WWP2: variants seen among roughly 807,000 people sequenced by gnomAD.
The protein encoded by WWP2 is NEDD4-like E3 ubiquitin-protein ligase WWP2.
WWP2 carries 57 observed loss-of-function variants against 121.0 expected under a neutral mutation model. The ratio of observed to expected loss-of-function variants is 0.47; its 90% CI spans 0.38 to 0.59. The LOEUF (loss-of-function observed/expected upper bound fraction) is 0.59, where lower values mean the gene tolerates loss of function less well. WWP2 is among the 20% of genes least tolerant of loss of function. The probability of loss-of-function intolerance (pLI) is 0.00; values close to 1 mark genes in which losing one functional copy is unlikely to be tolerated. For missense variants in WWP2, 962 were observed against 1,158.9 expected (o/e 0.83, Z 2.47); for synonymous variants, 449 against 441.3 (o/e 1.02, Z -0.22).
intron 6 of WWP2, 64 bp from the exon 7 acceptor site, chr16:69,871,740 A>G: frequency 1.3e-6 from 2 of 1,593,956 alleles, no homozygotes; most frequent in Non-Finnish European, 1.7e-6. Context: ...TGACTTAGGT[A>G]GGAAACACTT....
intron 4 of WWP2, among the ~76,000 whole-genome samples, chr16:69,829,086 G>A (rs904844970): frequency 3.9e-5 from 6 of 152,060 alleles, no homozygotes; most frequent in African/African-American, 1.2e-4. Context: ...CCCAGGAGCC[G>A]TCTTCGATAC....
intron 7 of WWP2, among the ~76,000 whole-genome samples, chr16:69,883,398 GCGCACA>G (rs902246617): frequency 1.2e-4 from 12 of 96,192 alleles, no homozygotes; most frequent in African/African-American, 4.9e-4. Context: ...CTAAGAATGT[GCGCACA>G]CACACACACA....
intron 4 of WWP2, among the ~76,000 whole-genome samples, chr16:69,808,179 GAGA>G (rs570338796): frequency 2.2e-4 from 34 of 152,152 alleles, no homozygotes; most frequent in Non-Finnish European, 4.4e-4. Context: ...TCATATTAGT[GAGA>G]ACATGCAGTA....
chr16:69,841,856 C>G (rs985910304), intron 5 of WWP2, among the ~76,000 whole-genome samples, 168 bp from the exon 6 acceptor site: 1 of 152,132 alleles, frequency 6.6e-6, no homozygotes, highest in Admixed American at 6.6e-5. Context: ...TCCATATGAT[C>G]GTCCCTGTTC....
At chr16:69,767,653 A>G (rs1222248172) in intron 1 of WWP2, among the ~76,000 whole-genome samples, 1 of 152,112 alleles carries the variant, frequency 6.6e-6, no homozygotes, top group Non-Finnish European at 1.5e-5. Flanking sequence ...GATGGAGGGA[A>G]GTTTTACAGG....
rs866747381 is a variant in WWP2, at chr16:69,838,107, A to T, written c.341-2019A>T. 5.3e-5 allele frequency among the ~76,000 whole-genome samples: 8 copies of T among 152,278 alleles called. No individual in the cohort carries two copies. In the South Asian group the frequency reaches 1.5e-3, roughly 28 times the overall value. ...CAAAAAACAAATACAGTGAATGAGA[A>T]GTTAGACCAAGAGGAATTAGGACTC... On this transcript the variant is annotated intron_variant, in intron 4 of 23. Transcript: ENST00000359154.
At chr16:69,896,126 C>T (rs2058100653) in intron 8 of WWP2, among the ~76,000 whole-genome samples, 1 of 152,064 alleles carries the variant, frequency 6.6e-6, no homozygotes, top group Non-Finnish European at 1.5e-5. Context: ...ACTGCACTTT[C>T]TTTCCTTTTT....
intron 1 of WWP2, among the ~76,000 whole-genome samples, chr16:69,780,526 C>T (rs1031610736): frequency 1.3e-5 from 2 of 152,166 alleles, no homozygotes; most frequent in African/African-American, 4.8e-5. Context: ...TCCAAAATTA[C>T]GCGTCTTTAA....
chr16:69,816,768 TAC>T (rs776898394), intron 4 of WWP2, among the ~76,000 whole-genome samples: 2 of 151,876 alleles, frequency 1.3e-5, no homozygotes, highest in Non-Finnish European at 2.9e-5. Context: ...CATATACACA[TAC>T]ACACATACAC....
chr16:69,857,489 T>C (rs1448538441), intron 6 of WWP2, among the ~76,000 whole-genome samples: 1 of 152,010 alleles, frequency 6.6e-6, no homozygotes, highest in Non-Finnish European at 1.5e-5. Context: ...GATAATGGAG[T>C]GTGAAATTCT....
chr16:69,932,921 C>A (rs2058738842), intron 16 of WWP2, among the ~76,000 whole-genome samples: 1 of 152,218 alleles, frequency 6.6e-6, no homozygotes, highest in African/African-American at 2.4e-5. Context: ...CCGGTGTGGG[C>A]ATGTCTTCCC....
chr16:69,838,633 C>A, intron 4 of WWP2: 1 of 732,988 alleles, frequency 1.4e-6, no homozygotes, highest in Non-Finnish European at 1.7e-6. Context: ...CAAGTGGCCA[C>A]TCCCAGGGAT....
chr16:69,820,908 T>C (rs1446857009), intron 4 of WWP2, among the ~76,000 whole-genome samples: 1 of 152,166 alleles, frequency 6.6e-6, no homozygotes, highest in Non-Finnish European at 1.5e-5. Context: ...GAACGTCTTT[T>C]CCTGTGACTT....
intron 4 of WWP2, among the ~76,000 whole-genome samples, chr16:69,805,153 C>T (rs970121299): frequency 6.6e-6 from 1 of 151,842 alleles, no homozygotes; most frequent in African/African-American, 2.4e-5. Context: ...GATTCTCGTG[C>T]CTCAGACTAC....
intron 8 of WWP2, among the ~76,000 whole-genome samples, chr16:69,893,040 T>C (rs1218630569): frequency 6.6e-6 from 1 of 152,202 alleles, no homozygotes; most frequent in Non-Finnish European, 1.5e-5. Flanking sequence ...TAACTTTAAT[T>C]TGACAAATGC....
intron 4 of WWP2, among the ~76,000 whole-genome samples, chr16:69,824,210 C>T (rs1483340647): frequency 6.6e-6 from 1 of 152,080 alleles, no homozygotes; most frequent in African/African-American, 2.4e-5. Flanking sequence ...TAACATCAGA[C>T]CTCATTTATC....
intron 6 of WWP2, 65 bp downstream of exon 6, chr16:69,842,185 G>A (rs189439015): frequency 6.2e-6 from 9 of 1,455,828 alleles, no homozygotes; most frequent in African/African-American, 1.4e-5. Flanking sequence ...AAACATGTTG[G>A]GACATGGCGG....
At chr16:69,823,800 A>C (rs368384774) in intron 4 of WWP2, among the ~76,000 whole-genome samples, 1 of 152,188 alleles carries the variant, frequency 6.6e-6, no homozygotes, top group East Asian at 1.9e-4. Flanking sequence ...CCTTGTCTTC[A>C]GAAGAAACTT....
chr16:69,939,197 C>T, intron 22 of WWP2, 74 bp downstream of exon 22: 1 of 1,560,606 alleles, frequency 6.4e-7, no homozygotes, highest in Non-Finnish European at 8.7e-7. Flanking sequence ...AACCTAGTCT[C>T]TTCCTGGAAG....
Sources: gnomAD v4.1 joint callset for allele counts (sites outside exome capture counted in the v4.1 genomes callset) on GRCh38, gnomAD v4.1.1 for gene constraint, MANE v1.5 for transcripts, NCBI Gene and HGNC (gene_info 2026-07-23, HGNC 2026-07-21) for gene names.